The following AFF3 variants were observed in gnomAD, a reference collection of about 807,000 sequenced individuals.
AFF3 encodes the protein ALF transcription elongation factor 3, also known as AF4/FMR2 family member 3.
A neutral mutation model predicts 129.7 loss-of-function variants in AFF3; 32 were observed. The ratio of observed to expected loss-of-function variants is 0.25; its 90% confidence interval spans 0.19 to 0.33. The LOEUF is 0.33. AFF3 is among the 10% of genes least tolerant of loss of function. The pLI is 1.00. For synonymous variants in AFF3, 644 were observed against 635.4 expected, an observed-to-expected ratio of 1.01 and a Z score of -0.20; for missense variants, 1,373 against 1,592.0, an observed-to-expected ratio of 0.86 and a Z score of 2.34.
intron 7 of AFF3, among the ~76,000 whole-genome samples, chr2:99,984,841 T>C (rs1679724146): frequency 6.6e-6 from 1 of 152,110 alleles, no homozygotes; most frequent in Non-Finnish European, 1.5e-5. Context: ...TTGCAGTGTG[T>C]GAGGAGGACA....
chr2:99,904,035 ACTCTT>A (rs1217664953), intron 7 of AFF3, among the ~76,000 whole-genome samples: 2 of 151,502 alleles, frequency 1.3e-5, no homozygotes, highest in African/African-American at 2.4e-5. Context: ...TCATCTGAAA[ACTCTT>A]CTCTTTTCTT....
chr2:99,553,566 A>C (rs1328375253), intron 24 of AFF3, among the ~76,000 whole-genome samples: 1 of 152,116 alleles, frequency 6.6e-6, no homozygotes, highest in Admixed American at 6.5e-5. Context: ...ATCTTAAGAG[A>C]ATCTGTATCT....
chr2:99,954,614 A>G (rs1676458189), intron 7 of AFF3, among the ~76,000 whole-genome samples: 1 of 151,984 alleles, frequency 6.6e-6, no homozygotes, highest in Non-Finnish European at 1.5e-5. Flanking sequence ...TGTCCTTTGT[A>G]GGGGCATGGA....
chr2:99,828,938 A>G (rs1044796183), intron 8 of AFF3, among the ~76,000 whole-genome samples: 3 of 152,198 alleles, frequency 2.0e-5, no homozygotes, highest in African/African-American at 7.2e-5. Context: ...ACTTCAGCAG[A>G]TATTTTGGTG....
chr2:99,690,616 G>T (rs930646836), intron 11 of AFF3, among the ~76,000 whole-genome samples: 1 of 152,120 alleles, frequency 6.6e-6, no homozygotes, highest in African/African-American at 2.4e-5. Context: ...CCACGGCTTC[G>T]ATCGGTTGTA....
At chr2:100,086,879 C>T (rs964449585) in intron 4 of AFF3, among the ~76,000 whole-genome samples, 2 of 152,244 alleles carry the variant, frequency 1.3e-5, no homozygotes, top group African/African-American at 4.8e-5. Flanking sequence ...GCCATTTAAA[C>T]CTCTTACAAC....
At chr2:99,789,955 C>G (rs952573888) in intron 8 of AFF3, among the ~76,000 whole-genome samples, 1 of 152,136 alleles carries the variant, frequency 6.6e-6, no homozygotes, top group South Asian at 2.1e-4. Flanking sequence ...ATTACACATG[C>G]ATGGACCCTG....
intron 11 of AFF3, among the ~76,000 whole-genome samples, chr2:99,692,548 C>T (rs1176041314): frequency 6.6e-6 from 1 of 152,092 alleles, no homozygotes; most frequent in South Asian, 2.1e-4. Flanking sequence ...GAGCCTCATC[C>T]CATGGTGCTG....
chr2:99,799,745 AT>A (rs1352614457), intron 8 of AFF3, among the ~76,000 whole-genome samples: 6 of 152,162 alleles, frequency 3.9e-5, no homozygotes, highest in Admixed American at 6.6e-5. Context: ...AGACAGTGTG[AT>A]ACCAGTGTAA....
At chr2:99,920,854 A>G (rs891611401) in intron 7 of AFF3, among the ~76,000 whole-genome samples, 2 of 152,160 alleles carry the variant, frequency 1.3e-5, no homozygotes, top group Admixed American at 6.5e-5. Context: ...TACAAAATCT[A>G]TTAGCAATAA....
At chr2:99,922,947 T>C (rs1340515853) in intron 7 of AFF3, among the ~76,000 whole-genome samples, 1 of 152,204 alleles carries the variant, frequency 6.6e-6, no homozygotes, top group Non-Finnish European at 1.5e-5. Flanking sequence ...AAAATGCTTC[T>C]CGAACGTAGT....
chr2:99,890,915 T>C (rs1469146635), intron 7 of AFF3, among the ~76,000 whole-genome samples: 3 of 152,104 alleles, frequency 2.0e-5, no homozygotes, highest in South Asian at 2.1e-4. Context: ...GGGAGGTATT[T>C]TGAAATGCAG....
At position 99,830,612 on chromosome 2, in the gene AFF3, T is replaced by C. The variant is rs1199439876; in HGVS notation, c.921+6865A>G. On this transcript the variant is annotated intron_variant, in intron 8 of 24. Transcript: ENST00000672756. ...ACTAAAAATACAAAAATTAGCTGGG[T>C]GTGGTGGCGGGTGACTGTAACCCAG... Among the ~76,000 whole-genome samples, 4 of 151,776 alleles carry C rather than the reference T, an allele frequency of 2.6e-5. No homozygotes were observed. The East Asian group carries it at 7.8e-4, about 29-fold the overall frequency.
chr2:99,954,981 T>A (rs985186984), intron 7 of AFF3, among the ~76,000 whole-genome samples: 69 of 147,402 alleles, frequency 4.7e-4, no homozygotes, highest in South Asian at 2.2e-4. Context: ...ACAAAAAAAA[T>A]AAATAAATAA....
intron 11 of AFF3, among the ~76,000 whole-genome samples, chr2:99,685,723 A>T (rs1177609787): frequency 6.6e-6 from 1 of 152,238 alleles, no homozygotes; most frequent in Non-Finnish European, 1.5e-5. Flanking sequence ...GTGGGAATGT[A>T]CACTTCTGAG....
Position 99,926,855 on chromosome 2 carries a change from A to T in AFF3, c.873+79777T>A, listed in dbSNP as rs552820687. Reference sequence around the variant, plus strand: ...ACTTATGTTAACAGATTAAAAATTTAAAAAAAAAACATAATTTTTTTAAGT... The same window carrying T: ...ACTTATGTTAACAGATTAAAAATTTTAAAAAAAAACATAATTTTTTTAAGT... On this transcript the variant is annotated intron_variant, in intron 7 of 24. Coordinates refer to ENST00000672756, the MANE Select transcript of AFF3 (RefSeq NM_001386135.1). 2.3e-3 allele frequency among the ~76,000 whole-genome samples: 335 copies of T among 148,742 alleles called. 1 individual carries two copies. Among genetic ancestry groups the T allele is most frequent in the African/African-American group, 3.2e-3 (127 of 39,536 alleles).
chr2:99,925,543 T>C (rs528963135), intron 7 of AFF3, among the ~76,000 whole-genome samples: 51 of 152,244 alleles, frequency 3.3e-4, no homozygotes, highest in Non-Finnish European at 6.0e-4. Flanking sequence ...CAGTGAAAGT[T>C]TGTGAAATGA....
At chr2:99,949,831 A>G (rs563228090) in intron 7 of AFF3, among the ~76,000 whole-genome samples, 27 of 152,320 alleles carry the variant, frequency 1.8e-4, no homozygotes, top group Admixed American at 7.2e-4. Context: ...TCCGTGGCCC[A>G]GGGGTTGGGG....
chr2:99,938,329 T>A (rs1431262244), intron 7 of AFF3, among the ~76,000 whole-genome samples: 1 of 152,132 alleles, frequency 6.6e-6, no homozygotes, highest in Non-Finnish European at 1.5e-5. Context: ...AAACCTATCA[T>A]CCATAGAATG....
Sources: allele counts gnomAD v4.1 joint callset (sites outside exome capture counted in the v4.1 genomes callset), GRCh38; gene constraint gnomAD v4.1.1; transcripts MANE v1.5; gene names NCBI Gene and HGNC (gene_info 2026-07-23, HGNC 2026-07-21).